Variants in SRP72 observed in about 807,000 individuals in gnomAD.
SRP72 encodes the protein signal recognition particle subunit SRP72.
A neutral mutation model predicts 96.3 loss-of-function variants in SRP72; 49 were observed. The observed-to-expected ratio is 0.51, with a 90% confidence interval of 0.40 to 0.65. The LOEUF (loss-of-function observed/expected upper bound fraction) is 0.65. Ranked by LOEUF, SRP72 falls within the 30% of genes least tolerant of loss-of-function variation. The probability of loss-of-function intolerance (pLI) is 0.00; values close to 1 mark genes in which losing one functional copy is unlikely to be tolerated. For missense variants in SRP72, 736 were observed against 793.3 expected (o/e 0.93, Z 0.87); for synonymous variants, 267 against 275.2 (o/e 0.97, Z 0.30).
chr4:56,469,818 A>C, intron 2 of SRP72, 45 bp downstream of exon 2: 1 of 1,524,130 alleles, frequency 6.6e-7, no homozygotes, highest in Non-Finnish European at 8.9e-7. Context: ...AGAAACACTT[A>C]CTATAGCTAT....
rs778763986 is a variant in SRP72, at chr4:56,474,306, A to G, written c.525A>G (p.Thr175=). The G allele has an allele frequency of 6.2e-7, 1 of 1,614,170 alleles. No individual in the cohort carries two copies. The highest frequency in any genetic ancestry group is 1.6e-4 in the Middle Eastern group (1 of 6,062). Residue 175 remains threonine (T), a synonymous_variant, in exon 5 of 19, where the codon ACA becomes ACG. Transcript: ENST00000642900. Reference sequence around the variant, plus strand: ...AGAACCTGGGCCTCCAAGAAGGCACACATGAGCTGTGCTACAACACTGCAT... The same window carrying G: ...AGAACCTGGGCCTCCAAGAAGGCACGCATGAGCTGTGCTACAACACTGCAT... ...VPENLGLQEG[T]HELCYNTACA...
In SRP72 at chr4:56,501,775, C is replaced by G. The variant is rs1417876848; in HGVS notation, c.1930C>G (p.Pro644Ala). 3 of 1,614,036 alleles carry G rather than the reference C, an allele frequency of 1.9e-6. No homozygotes were observed. The highest frequency in any genetic ancestry group is 1.7e-5 in the Admixed American group (1 of 60,002). Residue 644 changes from proline to alanine, a missense_variant, in exon 19 of 19, where the codon CCA becomes GCA. This residue lies in a region of SRP72 where 388 missense variants were observed against 431.8 expected (regional missense o/e 0.90). Transcript: ENST00000642900. ...TGCCTCTACAAGTAACATCATACCC[C>G]CAAGACACCAGAAACCTGCAGGGGC... Reference protein sequence around the residue: ...VSASTSNIIPPRHQKPAGAPA... With the variant: ...VSASTSNIIPARHQKPAGAPA...
chr4:56,467,759 G>A lies in SRP72; in HGVS notation c.109+15G>A. ...CGTCAATAAGAGTAAGTGTCGGGGT[G>A]GGCACTGGGGCGGGCCCAGGCCGGC... On this transcript the variant is annotated intron_variant, in intron 1 of 18. Coordinates refer to ENST00000642900, the MANE Select transcript of SRP72 (RefSeq NM_006947.4). 3 of 1,465,630 alleles carry A rather than the reference G, an allele frequency of 2.0e-6. No homozygotes were observed. Among genetic ancestry groups the A allele is most frequent in the Non-Finnish European group, 2.7e-6 (3 of 1,104,610 alleles). The allele number at this position is 1,465,630 out of a possible 1,614,324, so 90.8% of individuals were successfully genotyped here.
Position 56,489,459 on chromosome 4 carries a change from T to C in SRP72, c.1296T>C (p.Ala432=), listed in dbSNP as rs1298876152. ...IDSAIEVFTQ[A]IQWYQNHQPK... ...GTGCCATTGAGGTCTTCACACAAGCTATCCAGTGGTATCAAAACCATCAGG... is the reference window on the plus strand; with the variant it reads ...GTGCCATTGAGGTCTTCACACAAGCCATCCAGTGGTATCAAAACCATCAGG... The change falls in exon 13 of 19, where the codon GCT becomes GCC. Residue 432 remains alanine, a synonymous_variant. Coordinates refer to ENST00000642900, the MANE Select transcript of SRP72 (RefSeq NM_006947.4). 1 of 1,591,878 alleles carries C rather than the reference T, an allele frequency of 6.3e-7. No homozygotes were observed. Among genetic ancestry groups the C allele is most frequent in the African/African-American group, 1.3e-5 (1 of 74,766 alleles).
At chr4:56,493,507 A>G (rs981022648) in intron 16 of SRP72, among the ~76,000 whole-genome samples, 3 of 152,140 alleles carry the variant, frequency 2.0e-5, no homozygotes, top group Admixed American at 2.0e-4. Context: ...CTTTAACAAT[A>G]CACTATGTGA....
chr4:56,476,291 A>G (rs1194745022), intron 5 of SRP72: 1 of 211,052 alleles, frequency 4.7e-6, no homozygotes, highest in Non-Finnish European at 9.3e-6. Context: ...TTTAAAAACA[A>G]ACAAAAAAAA....
At chr4:56,471,976 G>A (rs1448685865) in intron 3 of SRP72, 133 bp downstream of exon 3, 1 of 1,029,480 alleles carries the variant, frequency 9.7e-7, no homozygotes, top group African/African-American at 1.6e-5. Context: ...AGTCCTTAAG[G>A]TTTGAACATA....
At chr4:56,486,123 T>C in intron 10 of SRP72, 1 of 453,916 alleles carries the variant, frequency 2.2e-6, no homozygotes, top group South Asian at 5.1e-5. Flanking sequence ...TTGACTTCAT[T>C]GCACTTACTT....
chr4:56,495,084 G>A (rs1721029717), intron 16 of SRP72, among the ~76,000 whole-genome samples: 1 of 152,136 alleles, frequency 6.6e-6, no homozygotes, highest in South Asian at 2.1e-4. Flanking sequence ...GACTTAATGT[G>A]TGCCACTGAA....
In SRP72 at chr4:56,478,663, G is replaced by T. The variant is rs747801042; in HGVS notation, c.825+14G>T. ...ACCATTAACAAGGTATGGAGTATTT[G>T]TGCTTTCCATAGATATATTTTACCC... On this transcript the variant is annotated intron_variant, in intron 8 of 18. Coordinates refer to ENST00000642900, the MANE Select transcript of SRP72 (RefSeq NM_006947.4). The T allele has an allele frequency of 6.2e-7, 1 of 1,610,106 alleles. No individual in the cohort carries two copies. The highest frequency in any genetic ancestry group is 8.5e-7 in the Non-Finnish European group (1 of 1,178,126).
chr4:56,469,341 A>C (rs1237179514), intron 1 of SRP72, among the ~76,000 whole-genome samples: 1 of 152,220 alleles, frequency 6.6e-6, no homozygotes, highest in African/African-American at 2.4e-5. Flanking sequence ...TCAAGATGAA[A>C]TATCTGGAGA....
chr4:56,491,808 C>G, intron 16 of SRP72: 1 of 344,252 alleles, frequency 2.9e-6, no homozygotes, highest in Non-Finnish European at 5.2e-6. Flanking sequence ...TTTACACACA[C>G]AGATGGTTTA....
intron 16 of SRP72, among the ~76,000 whole-genome samples, chr4:56,492,823 A>G (rs910676206): frequency 6.6e-6 from 1 of 152,076 alleles, no homozygotes; most frequent in Non-Finnish European, 1.5e-5. Context: ...AGTAACTACT[A>G]AGGACACGCA....
At chr4:56,491,240 A>G (rs183722762) in intron 15 of SRP72, among the ~76,000 whole-genome samples, 191 bp from the exon 16 acceptor site, 9 of 152,356 alleles carry the variant, frequency 5.9e-5, no homozygotes, top group Admixed American at 5.2e-4. Context: ...TCCTTTCAGA[A>G]TACTGTATGT....
At chr4:56,497,034 T>C (rs1721093762) in intron 17 of SRP72, among the ~76,000 whole-genome samples, 1 of 152,078 alleles carries the variant, frequency 6.6e-6, no homozygotes, top group African/African-American at 2.4e-5. Context: ...CTTAACTTTT[T>C]TATGTGTGTT....
At chr4:56,474,427 G>T (rs148136216) in intron 5 of SRP72, 36 bp downstream of exon 5, 2 of 1,552,374 alleles carry the variant, frequency 1.3e-6, no homozygotes, top group Non-Finnish European at 1.8e-6. Context: ...TAAATATAAC[G>T]TGCATATAAC....
chr4:56,503,624 G>C lies in SRP72; in HGVS notation c.*1763G>C, dbSNP rs1243261202. Reference sequence around the variant, plus strand: ...GTGTACATTTATAAGAACCAGTATGGATACATCCATTCACTGTGGTACATT... The same window carrying C: ...GTGTACATTTATAAGAACCAGTATGCATACATCCATTCACTGTGGTACATT... On this transcript the variant is annotated 3_prime_UTR_variant, in exon 19 of 19. Coordinates refer to ENST00000642900, the MANE Select transcript of SRP72 (RefSeq NM_006947.4). 2.6e-5 allele frequency: 4 copies of C among 152,160 alleles called. No homozygotes were observed. The highest frequency in any genetic ancestry group is 4.4e-5 in the Non-Finnish European group (3 of 68,040). The allele number at this position is 152,160 out of a possible 1,614,324, so 9.4% of individuals were successfully genotyped here. A position where few individuals can be genotyped will look rare whatever the true frequency, so the allele number is the denominator to read the frequency against.
intron 2 of SRP72, among the ~76,000 whole-genome samples, chr4:56,469,977 T>G (rs969886700): frequency 5.3e-5 from 8 of 151,828 alleles, no homozygotes; most frequent in African/African-American, 1.2e-4. Context: ...AGAGAGTTTT[T>G]TTTTTTTTTT....
chr4:56,472,808 A>G (rs1720032075), intron 3 of SRP72, among the ~76,000 whole-genome samples: 8 of 152,190 alleles, frequency 5.3e-5, no homozygotes, highest in Admixed American at 5.2e-4. Flanking sequence ...GGTAAACTGG[A>G]TAACTTTAGG....
Sources: gnomAD v4.1 joint callset for allele counts (sites outside exome capture counted in the v4.1 genomes callset) on GRCh38, gnomAD v4.1.1 for gene constraint, gnomAD v4.1.1 regional missense constraint, MANE v1.5 for transcripts, NCBI Gene and HGNC (gene_info 2026-07-23, HGNC 2026-07-21) for gene names.